ERC1: variants seen among roughly 807,000 people sequenced by gnomAD.
ERC1 encodes ELKS/RAB6-interacting/CAST family member 1, also known as RAB6 interacting protein 2.
ERC1 carries 56 observed loss-of-function variants against 132.0 expected under a neutral mutation model. The ratio of observed to expected loss-of-function variants is 0.42; its 90% confidence interval spans 0.34 to 0.53. ERC1 has a LOEUF of 0.53. ERC1 is among the 20% of genes least tolerant of loss of function. ERC1 has a pLI of 0.03. For synonymous variants in ERC1, 478 were observed against 476.1 expected, an observed-to-expected ratio of 1.00 and a Z score of -0.05; for missense variants, 1,202 against 1,349.9, an observed-to-expected ratio of 0.89 and a Z score of 1.72.
chr12:1,123,055 A>T (rs1947760055), intron 7 of ERC1, among the ~76,000 whole-genome samples: 1 of 152,174 alleles, frequency 6.6e-6, no homozygotes, highest in African/African-American at 2.4e-5. Context: ...GGCACTGCTT[A>T]CGGTGGTGAT....
At chr12:1,480,297 T>C (rs16928481) in intron 18 of ERC1, among the ~76,000 whole-genome samples, 6,215 of 152,236 alleles carry the variant, frequency 0.041, 168 homozygotes, top group Middle Eastern at 0.068. Flanking sequence ...TGTTTTTCGA[T>C]GTTTTGTTAT....
chr12:1,111,383 TTTCCCAGTTGTA>T (rs1306126671), intron 5 of ERC1, among the ~76,000 whole-genome samples: 1 of 152,192 alleles, frequency 6.6e-6, no homozygotes, highest in African/African-American at 2.4e-5. Flanking sequence ...TCCCCCTTTA[TTTCCCAGTTGTA>T]TTCTCCAGGT....
At chr12:1,099,330 G>C (rs566741770) in intron 3 of ERC1, among the ~76,000 whole-genome samples, 2 of 152,234 alleles carry the variant, frequency 1.3e-5, no homozygotes, top group Admixed American at 6.5e-5. Context: ...TGGTGTGTGG[G>C]CAGTTTCAGA....
At chr12:1,418,128 C>T (rs1443780590) in intron 17 of ERC1, among the ~76,000 whole-genome samples, 1 of 152,150 alleles carries the variant, frequency 6.6e-6, no homozygotes, top group Non-Finnish European at 1.5e-5. Context: ...CTGAAGGATA[C>T]ATAGCTAGAA....
Position 1,190,159 on chromosome 12 carries a change from C to T in ERC1, c.2351+107C>T, listed in dbSNP as rs373055703. On this transcript the variant is annotated intron_variant, in intron 12 of 18. Coordinates refer to ENST00000360905, the MANE Select transcript of ERC1 (RefSeq NM_178040.4). Reference sequence around the variant, plus strand: ...GTATCTAACTCTGAATTTAGGTTCTCGAATTCTTGCTATTACTGTATTAGC... The same window carrying T: ...GTATCTAACTCTGAATTTAGGTTCTTGAATTCTTGCTATTACTGTATTAGC... 4.2e-5 allele frequency: 43 copies of T among 1,031,040 alleles called. No individual in the cohort carries two copies. The African/African-American group carries it at 5.3e-4, about 13-fold the overall frequency. 63.9% of individuals were successfully genotyped at this position (1,031,040 alleles called of 1,614,324 possible).
intron 2 of ERC1, among the ~76,000 whole-genome samples, chr12:1,065,480 T>TGTGTG (rs1938951655): frequency 5.6e-5 from 7 of 124,922 alleles, no homozygotes; most frequent in South Asian, 2.9e-4. Flanking sequence ...TTTGTACCGT[T>TGTGTG]TGTGTGTGTG....
chr12:1,001,276 T>C (rs1962210291), intron 1 of ERC1, among the ~76,000 whole-genome samples: 2 of 152,324 alleles, frequency 1.3e-5, no homozygotes, highest in South Asian at 4.2e-4. Context: ...TAGGCTGGCA[T>C]CGAATTCATA....
intron 14 of ERC1, among the ~76,000 whole-genome samples, chr12:1,264,906 C>G (rs2077381406): frequency 6.6e-6 from 1 of 151,986 alleles, no homozygotes; most frequent in Non-Finnish European, 1.5e-5. Flanking sequence ...TAGTATGTGC[C>G]CCAGGGAGTC....
At chr12:1,059,366 C>A (rs550316913) in intron 2 of ERC1, among the ~76,000 whole-genome samples, 22 of 152,198 alleles carry the variant, frequency 1.4e-4, no homozygotes, top group African/African-American at 3.9e-4. Flanking sequence ...ACTTCCAGTA[C>A]TATGTTGAGT....
intron 16 of ERC1, among the ~76,000 whole-genome samples, chr12:1,373,130 G>C (rs2087444822): frequency 1.3e-5 from 2 of 152,150 alleles, no homozygotes; most frequent in South Asian, 4.1e-4. Flanking sequence ...AGCAAGAAGA[G>C]GACATCATCT....
intron 3 of ERC1, among the ~76,000 whole-genome samples, chr12:1,092,270 T>C (rs1943341531): frequency 6.6e-6 from 1 of 152,334 alleles, no homozygotes; most frequent in South Asian, 2.1e-4. Context: ...ATGCTGGGAT[T>C]ATAGGCGTGA....
At chr12:1,190,881 T>G (rs1469261157) in intron 12 of ERC1, among the ~76,000 whole-genome samples, 2 of 132,040 alleles carry the variant, frequency 1.5e-5, no homozygotes, top group Non-Finnish European at 3.2e-5. Context: ...GGACTGATCC[T>G]TAAGAATAAT....
intron 7 of ERC1, among the ~76,000 whole-genome samples, chr12:1,118,813 A>G (rs1028819264): frequency 1.3e-5 from 2 of 152,216 alleles, no homozygotes; most frequent in African/African-American, 4.8e-5. Flanking sequence ...CTTCGATCTA[A>G]CACTCGGATT....
intron 12 of ERC1, among the ~76,000 whole-genome samples, chr12:1,234,936 T>C (rs1043687799): frequency 1.5e-4 from 23 of 152,212 alleles, no homozygotes; most frequent in African/African-American, 5.5e-4. Flanking sequence ...CGGTTTCAGA[T>C]GGATTAATGA....
chr12:1,218,838 A>ATATATATATATT (rs1449666262), intron 12 of ERC1, among the ~76,000 whole-genome samples: 3 of 114,076 alleles, frequency 2.6e-5, no homozygotes, highest in African/African-American at 1.4e-4. Context: ...ATATATACAC[A>ATATATATATATT]CACACACACA....
chr12:1,444,495 C>A, intron 17 of ERC1, 67 bp from the exon 18 acceptor site: 1 of 1,098,662 alleles, frequency 9.1e-7, no homozygotes, highest in Non-Finnish European at 1.3e-6. Context: ...AATATTTGAA[C>A]CTCTCATTTC....
At chr12:1,254,659 G>T (rs2076676599) in intron 13 of ERC1, among the ~76,000 whole-genome samples, 1 of 152,042 alleles carries the variant, frequency 6.6e-6, no homozygotes, top group Admixed American at 6.6e-5. Context: ...GATTACCGGT[G>T]TGCATCACCA....
rs11832806 is a variant in ERC1 at position 1,162,430 on chromosome 12, A to G, written c.1738-18110A>G. On this transcript the variant is annotated intron_variant, in intron 8 of 18. Transcript: ENST00000360905. Reference sequence around the variant, plus strand: ...ACAGATGCTATCAACATTCCCTTCCATGCTTCTGTAACTTCTGTTTATTTC... The same window carrying G: ...ACAGATGCTATCAACATTCCCTTCCGTGCTTCTGTAACTTCTGTTTATTTC... Among the ~76,000 whole-genome samples, 709 of 151,010 alleles carry G rather than the reference A, an allele frequency of 4.7e-3. 6 individuals are homozygous for G. The highest frequency in any genetic ancestry group is 0.017 in the African/African-American group (682 of 41,216).
Position 1,027,960 on chromosome 12 carries a change from G to A in ERC1, c.57G>A (p.Gly19=), listed in dbSNP as rs111425264. ...TGGAGCCGAGCAGCCAGAGCCCTGGGCGTTCACCCAGGCTTCCACGTTCCC... is the reference window on the plus strand; with the variant it reads ...TGGAGCCGAGCAGCCAGAGCCCTGGACGTTCACCCAGGCTTCCACGTTCCC... ...GKVEPSSQSP[G]RSPRLPRSPR... is the part of the protein sequence containing the mutation. The change falls in exon 2 of 19, where the codon GGG becomes GGA. Residue 19 remains glycine (G), a synonymous_variant. Coordinates refer to ENST00000360905, the MANE Select transcript of ERC1 (RefSeq NM_178040.4). The A allele has an allele frequency of 4.3e-6, 7 of 1,613,914 alleles. No homozygotes were observed. The highest frequency in any genetic ancestry group is 5.1e-6 in the Non-Finnish European group (6 of 1,179,950).
Sources: allele counts gnomAD v4.1 joint callset (sites outside exome capture counted in the v4.1 genomes callset), GRCh38; gene constraint gnomAD v4.1.1; transcripts MANE v1.5; gene names NCBI Gene and HGNC (gene_info 2026-07-23, HGNC 2026-07-21).